The following PSMD13 variants were observed in gnomAD, a reference collection of about 807,000 sequenced individuals.
PSMD13 encodes the protein proteasome 26S subunit, non-ATPase 13, also known as 26S proteasome non-ATPase regulatory subunit 13.
A neutral mutation model predicts 57.4 loss-of-function variants in PSMD13; 8 were observed. The ratio of observed to expected loss-of-function variants is 0.14; its 90% CI spans 0.08 to 0.25. The LOEUF (loss-of-function observed/expected upper bound fraction) is 0.25. Among genes scored for constraint, PSMD13 ranks in the 10% least tolerant of loss-of-function variants. PSMD13 has a pLI of 1.00. For synonymous variants in PSMD13, 193 were observed against 168.2 expected (o/e 1.15, Z -1.14); for missense variants, 400 against 461.5 (o/e 0.87, Z 1.22).
Position 251,526 on chromosome 11 carries a change from G to C in PSMD13, c.838-20G>C, listed in dbSNP as rs1590255195. ...TTATTTGGAAAAATAGTTTAAAATAGTTAATAAAATTTTTTCCAGATGACT... is the reference window on the plus strand; with the variant it reads ...TTATTTGGAAAAATAGTTTAAAATACTTAATAAAATTTTTTCCAGATGACT... On this transcript the variant is annotated intron_variant, in intron 10 of 12. Transcript: ENST00000532097. The surrounding 1 kb of genome is among the most constrained non-coding windows in gnomAD (Gnocchi z 4.6). 2 of 1,583,142 alleles carry C rather than the reference G, an allele frequency of 1.3e-6. No individual in the cohort carries two copies. Among genetic ancestry groups the C allele is most frequent in the East Asian group, 2.3e-5 (1 of 44,272 alleles).
At chr11:245,240 GC>G (rs1238361831) in intron 6 of PSMD13, among the ~76,000 whole-genome samples, 2 of 152,062 alleles carry the variant, frequency 1.3e-5, no homozygotes, top group African/African-American at 2.4e-5. Flanking sequence ...GCTGCGCCCA[GC>G]CCCCCCGATT....
Position 247,324 on chromosome 11 carries a change from G to C in PSMD13, c.444G>C (p.Val148=). Residue 148 remains valine, a synonymous_variant, in exon 7 of 13, where the codon GTG becomes GTC. Transcript: ENST00000532097. The part of the protein sequence containing the change: ...VEEMLNNLPG[V]TSVHSRFYDL... The stretch of plus-strand genomic sequence containing the variant: ...AAATGCTCAACAACCTTCCTGGTGT[G>C]ACATCGGTTCACAGTCGTTTCTATG... The C allele has an allele frequency of 1.9e-6, 3 of 1,614,014 alleles. No homozygotes were observed. Among genetic ancestry groups the C allele is most frequent in the Non-Finnish European group, 1.7e-6 (2 of 1,179,972 alleles).
chr11:240,937 T>G (rs1382364078), intron 2 of PSMD13, among the ~76,000 whole-genome samples: 1 of 152,026 alleles, frequency 6.6e-6, no homozygotes, highest in Non-Finnish European at 1.5e-5. Context: ...GTTCCAGTGA[T>G]TCTCCTGCCA....
rs1465981648 is a variant in PSMD13, at chr11:244,194, T to A, written c.243T>A (p.Leu81=). ...VNPLSLVEII[L]HVVRQMTDPN... ...CTTTGTCCCTCGTGGAAATCATTCT[T>A]CATGTAGTTAGACAGATGACTGGTA... The change falls in exon 4 of 13, where the codon CTT becomes CTA. Residue 81 remains leucine, a synonymous_variant. Transcript: ENST00000532097. 1 of 1,611,252 alleles carries A rather than the reference T, an allele frequency of 6.2e-7. No homozygotes were observed. The highest frequency in any genetic ancestry group is 1.7e-5 in the Admixed American group (1 of 59,912).
In PSMD13 at chr11:252,006, C is replaced by A. The variant is rs1859774160; in HGVS notation, c.1035+70C>A. On this transcript the variant is annotated intron_variant, in intron 12 of 12. Transcript: ENST00000532097. This position sits in a 1 kb window ranked among gnomAD's most constrained non-coding sequence, Gnocchi z 4.1. ...GGTTGTGTCTATACCGTCTTAGTTT[C>A]ATTTGGATGGAAGCCATTTGGGAAG... 1 of 1,394,308 alleles carries A rather than the reference C, an allele frequency of 7.2e-7. No individual in the cohort carries two copies. Among genetic ancestry groups the A allele is most frequent in the Non-Finnish European group, 1.0e-6 (1 of 1,000,288 alleles). 86.4% of individuals were successfully genotyped at this position (1,394,308 alleles called of 1,614,324 possible).
chr11:246,456 G>A (rs10794304), intron 6 of PSMD13, among the ~76,000 whole-genome samples: 120,424 of 152,056 alleles, frequency 0.79, 47,990 homozygotes, highest in African/African-American at 0.88. Flanking sequence ...AGCCGAGATC[G>A]CACCACTGCA....
chr11:239,108 A>C, intron 2 of PSMD13, 32 bp downstream of exon 2: 1 of 1,557,574 alleles, frequency 6.4e-7, no homozygotes, highest in Non-Finnish European at 8.9e-7. Flanking sequence ...ATTAGATTAT[A>C]TGAATGTGCT....
In PSMD13 at chr11:237,042, C is replaced by T. The variant is rs765177142; in HGVS notation, c.-8C>T. 54 of 1,611,234 alleles carry T rather than the reference C, an allele frequency of 3.4e-5. 1 individual carries two copies. The South Asian group carries it at 5.1e-4, about 15-fold the overall frequency. On this transcript the variant is annotated 5_prime_UTR_variant, in exon 1 of 13. Coordinates refer to ENST00000532097, the MANE Select transcript of PSMD13 (RefSeq NM_002817.4). ...TTGTTCTTCTGTGCCGGGGGTCTTC[C>T]TGCTGTCATGAAGGACGTACCGGGC...
intron 1 of PSMD13, among the ~76,000 whole-genome samples, chr11:238,753 T>C (rs1299928982): frequency 6.6e-6 from 1 of 152,218 alleles, no homozygotes; most frequent in African/African-American, 2.4e-5. Context: ...TTGCGATATA[T>C]ACTTACCCGT....
At position 251,792 on chromosome 11, in the gene PSMD13, T is replaced by C; in HGVS notation, c.919-28T>C. On this transcript the variant is annotated intron_variant, in intron 11 of 12. Coordinates refer to ENST00000532097, the MANE Select transcript of PSMD13 (RefSeq NM_002817.4). This position sits in a 1 kb window ranked among gnomAD's most constrained non-coding sequence, Gnocchi z 4.6. ...CATGGGGGTGTGTCAGGCTATCTTG[T>C]CTTACACACGCCTCCCTCTCTGCAC... The C allele has an allele frequency of 6.2e-7, 1 of 1,604,668 alleles. No homozygotes were observed. The highest frequency in any genetic ancestry group is 8.5e-7 in the Non-Finnish European group (1 of 1,172,362).
chr11:237,629 G>A (rs1381987199), intron 1 of PSMD13, among the ~76,000 whole-genome samples: 2 of 152,200 alleles, frequency 1.3e-5, no homozygotes, highest in African/African-American at 4.8e-5. Flanking sequence ...TAAACCAGAG[G>A]CTAGTACAGC....
Position 247,691 on chromosome 11 carries a change from G to A in PSMD13, c.568+243G>A. 1.3e-5 allele frequency: 4 copies of A among 318,390 alleles called. No homozygotes were observed. In the South Asian group the frequency reaches 1.6e-4, roughly 13 times the overall value. The allele number at this position is 318,390 out of a possible 1,614,324, so 19.7% of individuals were successfully genotyped here. On this transcript the variant is annotated intron_variant, in intron 7 of 12. Transcript: ENST00000532097. ...TACTAAAAATACAAAAAACTAGCCA[G>A]GTGTGATGGTGGGTGCCTGTAATCC...
chr11:239,020 C>A lies in PSMD13; in HGVS notation c.118C>A (p.Gln40Lys). The change falls in exon 2 of 13, where the codon CAG (glutamine) becomes AAG (lysine). Residue 40 changes from glutamine (Q) to lysine (K), a missense_variant. Gln to Lys is a moderately conservative substitution (Grantham distance 53). Transcript: ENST00000532097. ...TKKLWHQLTL[Q>K]VLDFVQDPCF... ...CAGGTTGTGGCATCAGCTGACACTT[C>A]AGGTGCTTGATTTTGTGCAGGATCC... The A allele has an allele frequency of 6.2e-7, 1 of 1,614,172 alleles. No individual in the cohort carries two copies. The highest frequency in any genetic ancestry group is 8.5e-7 in the Non-Finnish European group (1 of 1,180,022).
intron 9 of PSMD13, among the ~76,000 whole-genome samples, chr11:249,346 G>C (rs1181175389): frequency 1.3e-5 from 2 of 152,104 alleles, no homozygotes; most frequent in Non-Finnish European, 2.9e-5. Flanking sequence ...AGAAGTCATA[G>C]TGACCTAAGG....
chr11:248,489 A>G (rs1349433498), intron 7 of PSMD13: 1 of 417,682 alleles, frequency 2.4e-6, no homozygotes, highest in African/African-American at 2.0e-5. Context: ...ATAGCAGAAA[A>G]GAGATTTAAG....
Position 252,691 on chromosome 11 carries a change from A to C in PSMD13, c.*91A>C. Reference sequence around the variant, plus strand: ...CTGGCTGCTCAGACGGTCGACATTGAATTTGGGTGGGGGTTGGGATCCTGT... The same window carrying C: ...CTGGCTGCTCAGACGGTCGACATTGCATTTGGGTGGGGGTTGGGATCCTGT... On this transcript the variant is annotated 3_prime_UTR_variant, in exon 13 of 13. Coordinates refer to ENST00000532097, the MANE Select transcript of PSMD13 (RefSeq NM_002817.4). The surrounding 1 kb of genome is among the most constrained non-coding windows in gnomAD (Gnocchi z 4.1). The C allele has an allele frequency of 8.1e-7, 1 of 1,230,238 alleles. No individual in the cohort carries two copies. Among genetic ancestry groups the C allele is most frequent in the Non-Finnish European group, 1.2e-6 (1 of 843,944 alleles). 76.2% of individuals were successfully genotyped at this position (1,230,238 alleles called of 1,614,324 possible). A position where few individuals can be genotyped will look rare whatever the true frequency, so the allele number is the denominator to read the frequency against.
Position 243,091 on chromosome 11 carries a change from G to A in PSMD13, c.175-950G>A, listed in dbSNP as rs933187857. 3.5e-4 allele frequency: 176 copies of A among 504,906 alleles called. 3 individuals are homozygous for A. The highest frequency in any genetic ancestry group is 5.8e-4 in the South Asian group (33 of 57,366). 31.3% of individuals were successfully genotyped at this position (504,906 alleles called of 1,614,324 possible). A position where few individuals can be genotyped will look rare whatever the true frequency, so the allele number is the denominator to read the frequency against. On this transcript the variant is annotated intron_variant, in intron 2 of 12. Coordinates refer to ENST00000532097, the MANE Select transcript of PSMD13 (RefSeq NM_002817.4). Reference sequence around the variant, plus strand: ...TTACAGGCGTGAGCCACTGCGCCCGGATGGTTACGTCTTTTTCTTTCCCTT... The same window carrying A: ...TTACAGGCGTGAGCCACTGCGCCCGAATGGTTACGTCTTTTTCTTTCCCTT...
Position 252,902 on chromosome 11 carries a change from C to G in PSMD13, c.*302C>G. The G allele has an allele frequency of 6.3e-6, 2 of 315,310 alleles. No homozygotes were observed. The highest frequency in any genetic ancestry group is 1.0e-4 in the South Asian group (2 of 19,246). 19.5% of individuals were successfully genotyped at this position (315,310 alleles called of 1,614,324 possible). A position where few individuals can be genotyped will look rare whatever the true frequency, so the allele number is the denominator to read the frequency against. On this transcript the variant is annotated 3_prime_UTR_variant, in exon 13 of 13. Coordinates refer to ENST00000532097, the MANE Select transcript of PSMD13 (RefSeq NM_002817.4). The surrounding 1 kb of genome is among the most constrained non-coding windows in gnomAD (Gnocchi z 4.1). ...GAAGTCTGTGTACTCCGAGGTGGAT[C>G]TCCATCCCCATCCACCTGTACGGAC...
Position 241,844 on chromosome 11 carries a change from G to A in PSMD13, c.175-2197G>A, listed in dbSNP as rs148125568. Among the ~76,000 whole-genome samples the A allele has an allele frequency of 1.4e-3, 210 of 152,320 alleles. 1 individual carries two copies. The highest frequency in any genetic ancestry group is 3.4e-3 in the Middle Eastern group (1 of 294). On this transcript the variant is annotated intron_variant, in intron 2 of 12. Transcript: ENST00000532097. ...CTGCCCCAGGCGTGTTTCTAAAATA[G>A]AAATGATCATGTGTGTCCTCTGGTT...
Sources: gnomAD v4.1 joint callset for allele counts (sites outside exome capture counted in the v4.1 genomes callset) on GRCh38, gnomAD v4.1.1 for gene constraint, Gnocchi (gnomAD v3.1) non-coding constraint, MANE v1.5 for transcripts, NCBI Gene and HGNC (gene_info 2026-07-23, HGNC 2026-07-21) for gene names.